MEGF11: variants seen among roughly 807,000 people sequenced by gnomAD.
MEGF11 encodes the protein multiple EGF like domains 11.
MEGF11 carries 126 observed loss-of-function variants against 146.6 expected under a neutral mutation model. The ratio of observed to expected loss-of-function variants is 0.86; its 90% CI spans 0.74 to 1.00. MEGF11 has a LOEUF of 1.00. Ranked by LOEUF, MEGF11 falls within the 50% of genes least tolerant of loss-of-function variation. MEGF11 has a pLI of 0.00. For synonymous variants in MEGF11, 532 were observed against 583.4 expected, an observed-to-expected ratio of 0.91 and a Z score of 1.27; for missense variants, 1,509 against 1,521.2, an observed-to-expected ratio of 0.99 and a Z score of 0.13.
In MEGF11 at chr15:65,913,862, A is replaced by G. The variant is rs753189453; in HGVS notation, c.2585T>C (p.Ile862Thr). 1.9e-6 allele frequency: 3 copies of G among 1,613,926 alleles called. No homozygotes were observed. The highest frequency in any genetic ancestry group is 2.2e-5 in the South Asian group (2 of 91,084). The change falls in exon 20 of 26, where the codon ATT (isoleucine) becomes ACT (threonine). Residue 862 changes from isoleucine (I) to threonine (T), a missense_variant. Physicochemically the swap from Ile to Thr is moderately conservative, Grantham distance 89. Coordinates refer to ENST00000395614, the MANE Select transcript of MEGF11 (RefSeq NM_001385028.1). Reference protein sequence around the residue: ...VTGIMLLLFLIVVLLGLFAWH... With the variant: ...VTGIMLLLFLTVVLLGLFAWH... ...GGCAAATAGGCCCAGCAGCACCACAATGAGGAATAACAGGAGCATGATGCC... is the reference window on the plus strand; with the variant it reads ...GGCAAATAGGCCCAGCAGCACCACAGTGAGGAATAACAGGAGCATGATGCC...
chr15:65,957,740 G>A lies in MEGF11; in HGVS notation c.1113-19C>T. On this transcript the variant is annotated intron_variant, in intron 9 of 25. Transcript: ENST00000395614. ...GTGGCAGCTGCACAGATGAGAGAAGGGTGAGAAGACAGCTTGTTCTGGGAA... is the reference window on the plus strand; with the variant it reads ...GTGGCAGCTGCACAGATGAGAGAAGAGTGAGAAGACAGCTTGTTCTGGGAA... 1 of 1,612,454 alleles carries A rather than the reference G, an allele frequency of 6.2e-7. No individual in the cohort carries two copies. Among genetic ancestry groups the A allele is most frequent in the Non-Finnish European group, 8.5e-7 (1 of 1,179,170 alleles).
At chr15:65,998,452 G>C (rs2082264517) in intron 5 of MEGF11, among the ~76,000 whole-genome samples, 1 of 152,196 alleles carries the variant, frequency 6.6e-6, no homozygotes, top group Non-Finnish European at 1.5e-5. Flanking sequence ...TTCAGAAAAT[G>C]TGCTGACAGC....
rs199519481 is a variant in MEGF11 at position 66,099,210 on chromosome 15, T to TC, written c.302-4717_302-4716insG. Among the ~76,000 whole-genome samples, 43 of 144,838 alleles carry TC rather than the reference T, an allele frequency of 3.0e-4. 1 individual carries two copies. The highest frequency in any genetic ancestry group is 3.5e-3 in the Middle Eastern group (1 of 286). ...CCTCCCACCCCTCCTTTTTCTTTTT[T>TC]TTTTTTTTTTTTGATATGGAGTCTT... On this transcript the variant is annotated intron_variant, in intron 4 of 25. Transcript: ENST00000395614.
chr15:65,897,503 A>G lies in MEGF11; in HGVS notation c.*431T>C, dbSNP rs538499450. The G allele has an allele frequency of 6.5e-6, 1 of 152,852 alleles. No homozygotes were observed. Among genetic ancestry groups the G allele is most frequent in the East Asian group, 1.9e-4 (1 of 5,198 alleles). The allele number at this position is 152,852 out of a possible 1,614,324, so 9.5% of individuals were successfully genotyped here. A position where few individuals can be genotyped will look rare whatever the true frequency, so the allele number is the denominator to read the frequency against. On this transcript the variant is annotated 3_prime_UTR_variant, in exon 26 of 26. Coordinates refer to ENST00000395614, the MANE Select transcript of MEGF11 (RefSeq NM_001385028.1). Reference sequence around the variant, plus strand: ...CGGTAATAAAACAGATGTTGATGGTAACAGCAACCAAAAGTACATATACGT... The same window carrying G: ...CGGTAATAAAACAGATGTTGATGGTGACAGCAACCAAAAGTACATATACGT...
rs369685811 is a variant in MEGF11 at position 66,071,320 on chromosome 15, C to T, written c.394+23082G>A. 7.9e-5 allele frequency among the ~76,000 whole-genome samples: 12 copies of T among 152,282 alleles called. No homozygotes were observed. In the South Asian group the frequency reaches 2.5e-3, roughly 32 times the overall value. On this transcript the variant is annotated intron_variant, in intron 5 of 25. Transcript: ENST00000395614. ...CTGGAGTCTGCCCTCCAAGAGTCTC[C>T]ACCGTGGGGTGCCGTGCCAGCCTCT...
At chr15:65,961,148 C>T (rs1439284350) in intron 9 of MEGF11, among the ~76,000 whole-genome samples, 1 of 152,202 alleles carries the variant, frequency 6.6e-6, no homozygotes, top group Non-Finnish European at 1.5e-5. Context: ...GTGACTTGCA[C>T]AGCCCCTCTC....
At chr15:66,152,257 T>G (rs377234915) in intron 1 of MEGF11, among the ~76,000 whole-genome samples, 5 of 152,060 alleles carry the variant, frequency 3.3e-5, no homozygotes, top group African/African-American at 1.2e-4. Context: ...TTTCCCTCAA[T>G]GCATCCCTAG....
intron 6 of MEGF11, among the ~76,000 whole-genome samples, chr15:65,981,271 A>C (rs1387930770): frequency 6.6e-6 from 1 of 152,230 alleles, no homozygotes; most frequent in Non-Finnish European, 1.5e-5. Flanking sequence ...CATTGCATTA[A>C]TGAAGGCACT....
intron 1 of MEGF11, among the ~76,000 whole-genome samples, chr15:66,137,685 C>T (rs1009213961): frequency 1.3e-5 from 2 of 151,632 alleles, no homozygotes; most frequent in Non-Finnish European, 2.9e-5. Flanking sequence ...TTCCTAGTAG[C>T]TGGGACCACA....
intron 1 of MEGF11, among the ~76,000 whole-genome samples, chr15:66,130,751 A>T (rs74021630): frequency 0.021 from 3,117 of 152,044 alleles, 127 homozygotes; most frequent in African/African-American, 0.071. Context: ...GAAGGAAGGA[A>T]GGAAGGAAAT....
intron 1 of MEGF11, among the ~76,000 whole-genome samples, chr15:66,137,025 CA>C (rs200795641): frequency 2.0e-5 from 3 of 149,730 alleles, no homozygotes; most frequent in Non-Finnish European, 3.0e-5. Flanking sequence ...ACTCTGTCTC[CA>C]AAAAAAAAGA....
At chr15:66,080,245 C>T (rs750212850) in intron 5 of MEGF11, among the ~76,000 whole-genome samples, 2 of 152,236 alleles carry the variant, frequency 1.3e-5, no homozygotes, top group Non-Finnish European at 2.9e-5. Context: ...TGTCCTCGCA[C>T]TTCTGACCCC....
chr15:66,158,293 T>C (rs894173518), intron 1 of MEGF11, among the ~76,000 whole-genome samples: 1 of 152,240 alleles, frequency 6.6e-6, no homozygotes, highest in Non-Finnish European at 1.5e-5. Context: ...GAGCTTCGTG[T>C]GGAAAGCTAA....
intron 1 of MEGF11, among the ~76,000 whole-genome samples, chr15:66,253,246 C>A (rs964973149): frequency 7.2e-5 from 11 of 152,200 alleles, no homozygotes; most frequent in Non-Finnish European, 1.5e-4. Flanking sequence ...GGACGGGCGC[C>A]CTCCCCGGGA....
At chr15:65,936,077 GT>G (rs1256453234) in intron 10 of MEGF11, among the ~76,000 whole-genome samples, 1 of 152,214 alleles carries the variant, frequency 6.6e-6, no homozygotes, top group Non-Finnish European at 1.5e-5. Context: ...TGGGACCCAA[GT>G]CTACATGGGT....
At chr15:65,946,389 G>T (rs2080194495) in intron 10 of MEGF11, among the ~76,000 whole-genome samples, 1 of 152,190 alleles carries the variant, frequency 6.6e-6, no homozygotes, top group Non-Finnish European at 1.5e-5. Flanking sequence ...CTCCAGTGAA[G>T]ACATTTGGGG....
At chr15:66,078,717 G>T (rs1448395934) in intron 5 of MEGF11, among the ~76,000 whole-genome samples, 1 of 152,212 alleles carries the variant, frequency 6.6e-6, no homozygotes, top group Admixed American at 6.5e-5. Context: ...GGGCTGGGGA[G>T]GGGTATCCGC....
intron 5 of MEGF11, among the ~76,000 whole-genome samples, chr15:66,090,559 C>T (rs2086278719): frequency 6.6e-6 from 1 of 152,358 alleles, no homozygotes; most frequent in African/African-American, 2.4e-5. Context: ...TGCCCAGACC[C>T]CCATGGGGGC....
chr15:66,217,250 C>T (rs1269621415), intron 1 of MEGF11, among the ~76,000 whole-genome samples: 2 of 152,224 alleles, frequency 1.3e-5, no homozygotes, highest in African/African-American at 4.8e-5. Flanking sequence ...TCTCCTTTCA[C>T]AGATAAGGAG....
Sources: allele counts gnomAD v4.1 joint callset (sites outside exome capture counted in the v4.1 genomes callset), GRCh38; gene constraint gnomAD v4.1.1; transcripts MANE v1.5; gene names NCBI Gene and HGNC (gene_info 2026-07-23, HGNC 2026-07-21).